Variants in CARF observed in about 807,000 individuals in gnomAD.
The protein encoded by CARF is calcium responsive transcription factor, also known as calcium-responsive transcription factor.
CARF carries 57 observed loss-of-function variants against 82.0 expected under a neutral mutation model. The observed-to-expected ratio is 0.70, with a 90% CI of 0.56 to 0.87. CARF has a LOEUF of 0.87. Among genes scored for constraint, CARF ranks in the 40% least tolerant of loss-of-function variants. The probability of loss-of-function intolerance (pLI) is 0.00; values close to 1 mark genes in which losing one functional copy is unlikely to be tolerated. For missense variants in CARF, 771 were observed against 855.8 expected (o/e 0.90, Z 1.24); for synonymous variants, 268 against 290.1 (o/e 0.92, Z 0.77).
In CARF at chr2:202,949,508, G is replaced by GTTAT. The variant is rs1323306657; in HGVS notation, c.307-3041_307-3038dup. ...TTCCTTTTTTTCAATATGACTTTTT[G>GTTAT]TTATTTATTTATTATTATTATTATT... On this transcript the variant is annotated intron_variant, in intron 5 of 16. Transcript: ENST00000438828. Among the ~76,000 whole-genome samples the GTTAT allele has an allele frequency of 2.2e-5, 3 of 139,380 alleles. 1 individual carries two copies. Among genetic ancestry groups the GTTAT allele is most frequent in the East Asian group, 4.1e-4 (2 of 4,904 alleles). The allele number at this position is 139,380 out of a possible 152,430, so 91.4% of individuals were successfully genotyped here.
Position 202,970,019 on chromosome 2 carries a change from A to G in CARF, c.1054A>G (p.Asn352Asp). The G allele has an allele frequency of 6.3e-7, 1 of 1,577,880 alleles. No individual in the cohort carries two copies. The highest frequency in any genetic ancestry group is 1.2e-5 in the South Asian group (1 of 82,266). The change falls in exon 11 of 17, where the codon AAC (asparagine) becomes GAC (aspartate). Residue 352 changes from asparagine to aspartate, a missense_variant. Transcript: ENST00000438828. ...CAGAATGGAGCAGGAGAAAGCTTTT[A>G]ACATGCTAAAGAAGAACTTGGTAGA... Reference protein sequence around the residue: ...IIRMEQEKAFNMLKKNLVDAG... With the variant: ...IIRMEQEKAFDMLKKNLVDAG...
At chr2:202,970,623 C>T (rs749668066) in intron 11 of CARF, among the ~76,000 whole-genome samples, 1 of 151,812 alleles carries the variant, frequency 6.6e-6, no homozygotes, top group Admixed American at 6.6e-5. Flanking sequence ...TATGGAATAT[C>T]GTTTTCGTGT....
chr2:202,977,852 C>CT (rs1195668291), intron 14 of CARF, among the ~76,000 whole-genome samples: 1 of 151,964 alleles, frequency 6.6e-6, no homozygotes, highest in South Asian at 2.1e-4. Flanking sequence ...CTCTGAATTT[C>CT]TTTTTTTGTT....
At chr2:202,979,627 C>A (rs1289736983) in intron 14 of CARF, among the ~76,000 whole-genome samples, 2 of 151,808 alleles carry the variant, frequency 1.3e-5, no homozygotes, top group Non-Finnish European at 1.5e-5. Flanking sequence ...ATGGTGAAAC[C>A]CTGTCTCTAC....
chr2:202,964,952 A>G (rs1432208764), intron 9 of CARF, among the ~76,000 whole-genome samples: 1 of 150,880 alleles, frequency 6.6e-6, no homozygotes, highest in African/African-American at 2.4e-5. Context: ...TTAATAAGAA[A>G]ATTAACAGTA....
At chr2:202,925,107 G>C in intron 3 of CARF, 1 of 388,360 alleles carries the variant, frequency 2.6e-6, no homozygotes, top group Non-Finnish European at 5.1e-6. Flanking sequence ...CACTGAGCCA[G>C]GAGCAGCTGA....
intron 3 of CARF, among the ~76,000 whole-genome samples, chr2:202,927,580 T>G (rs952671315): frequency 3.9e-5 from 6 of 152,124 alleles, no homozygotes; most frequent in East Asian, 1.9e-4. Context: ...ATTGTATAAG[T>G]TAATGGGGTA....
chr2:202,921,671 T>A (rs1280255672), intron 2 of CARF, among the ~76,000 whole-genome samples: 1 of 152,204 alleles, frequency 6.6e-6, no homozygotes, highest in Non-Finnish European at 1.5e-5. Flanking sequence ...GAATATCTGC[T>A]TATAAATATA....
chr2:202,981,966 ACT>A (rs1360059313), intron 15 of CARF, 104 bp from the exon 16 acceptor site: 1 of 1,206,160 alleles, frequency 8.3e-7, no homozygotes, highest in South Asian at 1.4e-5. Flanking sequence ...TTTTAACCAT[ACT>A]CTTTTTATTT....
chr2:202,980,215 C>A (rs1200288753), intron 14 of CARF, among the ~76,000 whole-genome samples: 1 of 152,106 alleles, frequency 6.6e-6, no homozygotes, highest in Admixed American at 6.6e-5. Context: ...GCTCTGGCCT[C>A]CTAAAGTGCT....
chr2:202,942,815 C>T lies in CARF; in HGVS notation c.154C>T (p.Arg52Cys), dbSNP rs745904615. 23 of 1,613,776 alleles carry T rather than the reference C, an allele frequency of 1.4e-5. No homozygotes were observed. The highest frequency in any genetic ancestry group is 5.3e-5 in the African/African-American group (4 of 74,852). Reference protein sequence around the residue: ...DSPTVLPITTREANNSLISQN... With the variant: ...DSPTVLPITTCEANNSLISQN... ...TCCTACAGTTTTGCCCATCACTACT[C>T]GTGAAGCAAATAATTCACTCATATC... The change falls in exon 5 of 17, where the codon CGT (arginine) becomes TGT (cysteine). Residue 52 changes from arginine (R) to cysteine (C), a missense_variant. Arg to Cys is a radical substitution (Grantham distance 180). Transcript: ENST00000438828.
intron 3 of CARF, among the ~76,000 whole-genome samples, chr2:202,933,406 G>T (rs1693320508): frequency 6.6e-6 from 1 of 152,184 alleles, no homozygotes; most frequent in African/African-American, 2.4e-5. Context: ...TTCTCTCGGG[G>T]TAGCACAGCA....
At chr2:202,940,316 G>A (rs889585402) in intron 3 of CARF, among the ~76,000 whole-genome samples, 1 of 152,152 alleles carries the variant, frequency 6.6e-6, no homozygotes, top group African/African-American at 2.4e-5. Context: ...TTACCAGCAT[G>A]AGCCACTGTG....
At chr2:202,963,606 C>T (rs142075686) in intron 9 of CARF, among the ~76,000 whole-genome samples, 1 of 152,224 alleles carries the variant, frequency 6.6e-6, no homozygotes, top group East Asian at 1.9e-4. Flanking sequence ...TCTATTATTA[C>T]TACATTGTAA....
At chr2:202,966,435 A>T (rs1272432380) in intron 9 of CARF, among the ~76,000 whole-genome samples, 2 of 152,194 alleles carry the variant, frequency 1.3e-5, no homozygotes, top group Non-Finnish European at 1.5e-5. Context: ...GTCAGGTGGG[A>T]TGCAGTGGCT....
intron 13 of CARF, among the ~76,000 whole-genome samples, chr2:202,975,477 C>T (rs575950930): frequency 1.9e-3 from 295 of 151,862 alleles, no homozygotes; most frequent in African/African-American, 5.5e-3. Context: ...GGTGTGGTGG[C>T]GTGCGCCTGT....
intron 5 of CARF, among the ~76,000 whole-genome samples, chr2:202,951,986 C>T (rs1280185159): frequency 2.0e-5 from 3 of 152,072 alleles, no homozygotes; most frequent in Non-Finnish European, 4.4e-5. Flanking sequence ...GCGCGTGCCA[C>T]CATGTCCAGC....
chr2:202,919,402 G>T (rs1690358574), intron 2 of CARF, among the ~76,000 whole-genome samples: 1 of 152,182 alleles, frequency 6.6e-6, no homozygotes, highest in Admixed American at 6.5e-5. Flanking sequence ...AGTAGGATCA[G>T]AGTACCTGTC....
intron 9 of CARF, among the ~76,000 whole-genome samples, chr2:202,964,703 A>G (rs2059469513): frequency 6.6e-6 from 1 of 152,014 alleles, no homozygotes; most frequent in Non-Finnish European, 1.5e-5. Context: ...TCCAGCTTCA[A>G]CAACTATCAG....
Sources: gnomAD v4.1 joint callset for allele counts (sites outside exome capture counted in the v4.1 genomes callset) on GRCh38, gnomAD v4.1.1 for gene constraint, MANE v1.5 for transcripts, NCBI Gene and HGNC (gene_info 2026-07-23, HGNC 2026-07-21) for gene names.